Variants in PCDH9 observed in about 807,000 individuals in gnomAD.
PCDH9 encodes the protein protocadherin 9.
Under a neutral mutation model 70.6 loss-of-function variants are expected in PCDH9, and 24 were observed. That is an observed-to-expected ratio of 0.34 (90% CI 0.25 to 0.48). The LOEUF (loss-of-function observed/expected upper bound fraction) is 0.48, where lower values mean the gene tolerates loss of function less well. Among genes scored for constraint, PCDH9 ranks in the 20% least tolerant of loss-of-function variants. PCDH9 has a pLI of 0.99. For missense variants in PCDH9, 1,281 were observed against 1,503.6 expected, an observed-to-expected ratio of 0.85 and a Z score of 2.45; for synonymous variants, 562 against 558.5, an observed-to-expected ratio of 1.01 and a Z score of -0.09.
intron 4 of PCDH9, among the ~76,000 whole-genome samples, chr13:66,394,705 A>G: frequency 6.6e-6 from 1 of 152,180 alleles, no homozygotes; most frequent in East Asian, 1.9e-4. Context: ...GTTAAAGACA[A>G]AATGTAATTA....
At chr13:66,895,078 G>C (rs1200512918) in intron 3 of PCDH9, among the ~76,000 whole-genome samples, 1 of 152,086 alleles carries the variant, frequency 6.6e-6, no homozygotes, top group East Asian at 1.9e-4. Flanking sequence ...AAAGTGCTGA[G>C]ATTACAGGTA....
chr13:66,441,863 A>G (rs1957980538), intron 4 of PCDH9, among the ~76,000 whole-genome samples: 1 of 152,138 alleles, frequency 6.6e-6, no homozygotes, highest in South Asian at 2.1e-4. Flanking sequence ...CTTCACTAGT[A>G]TACAGTTTCT....
chr13:66,579,297 TCTA>T (rs2138773698), intron 4 of PCDH9, among the ~76,000 whole-genome samples: 1 of 152,184 alleles, frequency 6.6e-6, no homozygotes, highest in South Asian at 2.1e-4. Context: ...GATAATAAAA[TCTA>T]CTACATAAAA....
At chr13:66,772,505 T>C (rs1399028921) in intron 3 of PCDH9, among the ~76,000 whole-genome samples, 4 of 152,194 alleles carry the variant, frequency 2.6e-5, no homozygotes, top group African/African-American at 7.2e-5. Context: ...GAGTCTATTA[T>C]TGAAGGGTTT....
intron 2 of PCDH9, among the ~76,000 whole-genome samples, chr13:67,184,132 T>A (rs140740128): frequency 6.6e-6 from 1 of 152,306 alleles, no homozygotes; most frequent in Non-Finnish European, 1.5e-5. Context: ...GTCTCTTTCC[T>A]TAGTCTTTAC....
chr13:66,303,140 A>G lies in PCDH9; in HGVS notation c.*1515T>C, dbSNP rs1384221622. On this transcript the variant is annotated 3_prime_UTR_variant, in exon 5 of 5. Coordinates refer to ENST00000377865, the MANE Select transcript of PCDH9 (RefSeq NM_203487.3). Reference sequence around the variant, plus strand: ...TTTTTTTTGTTTTTTTTACTTTTAAATTGATGGTGAACCGTGGCATTAAGA... The same window carrying G: ...TTTTTTTTGTTTTTTTTACTTTTAAGTTGATGGTGAACCGTGGCATTAAGA... The G allele has an allele frequency of 6.6e-6, 1 of 151,960 alleles. No individual in the cohort carries two copies. The highest frequency in any genetic ancestry group is 2.4e-5 in the African/African-American group (1 of 41,306). The allele number at this position is 151,960 out of a possible 1,614,324, so 9.4% of individuals were successfully genotyped here.
At chr13:67,134,131 T>A (rs1010062792) in intron 2 of PCDH9, among the ~76,000 whole-genome samples, 1 of 152,132 alleles carries the variant, frequency 6.6e-6, no homozygotes, top group African/African-American at 2.4e-5. Context: ...CCTCCAGGTG[T>A]TTTTGATATC....
intron 4 of PCDH9, among the ~76,000 whole-genome samples, chr13:66,307,339 A>G (rs549175863): frequency 6.6e-6 from 1 of 152,172 alleles, no homozygotes; most frequent in South Asian, 2.1e-4. Flanking sequence ...TGTTAATTAA[A>G]CTTTTATGAG....
intron 2 of PCDH9, among the ~76,000 whole-genome samples, chr13:66,951,226 C>CT (rs1233644005): frequency 1.3e-5 from 2 of 151,784 alleles, no homozygotes; most frequent in South Asian, 2.1e-4. Context: ...AAATATATAC[C>CT]TTTTTTTGTA....
intron 2 of PCDH9, among the ~76,000 whole-genome samples, chr13:67,042,034 C>T (rs2085126932): frequency 6.6e-6 from 1 of 152,004 alleles, no homozygotes; most frequent in South Asian, 2.1e-4. Context: ...GTTGCCCTTA[C>T]CAAAGCCCAT....
intron 4 of PCDH9, among the ~76,000 whole-genome samples, chr13:66,429,570 A>C (rs1957734777): frequency 6.6e-6 from 1 of 151,900 alleles, no homozygotes; most frequent in Non-Finnish European, 1.5e-5. Flanking sequence ...TTTGAAGAGT[A>C]CAAACGGAAG....
chr13:66,751,034 A>T (rs565628021), intron 3 of PCDH9, among the ~76,000 whole-genome samples: 1 of 152,280 alleles, frequency 6.6e-6, no homozygotes, highest in South Asian at 2.1e-4. Context: ...ACAAATAGCT[A>T]ACAATTGACT....
chr13:66,879,263 A>G lies in PCDH9; in HGVS notation c.3138+24241T>C, dbSNP rs535136984. 1.6e-4 allele frequency among the ~76,000 whole-genome samples: 24 copies of G among 152,316 alleles called. No individual in the cohort carries two copies. In the South Asian group the frequency reaches 3.3e-3, roughly 21 times the overall value. On this transcript the variant is annotated intron_variant, in intron 3 of 4. Coordinates refer to ENST00000377865, the MANE Select transcript of PCDH9 (RefSeq NM_203487.3). ...TAGGAATTCCCACTTTCCAAATACT[A>G]GCGGAGGCATTCTCTAGGGTGGCAG...
At position 66,802,244 on chromosome 13, in the gene PCDH9, TCA is replaced by T. The variant is rs557518728; in HGVS notation, c.3138+101258_3138+101259del. 6.6e-5 allele frequency among the ~76,000 whole-genome samples: 10 copies of T among 152,114 alleles called. No homozygotes were observed. The South Asian group carries it at 2.1e-3, about 32-fold the overall frequency. ...AATAAATGATTTGAACATGAAAATA[TCA>T]CAGAGACAAAACTTCTCAAAATAAT... On this transcript the variant is annotated intron_variant, in intron 3 of 4. Coordinates refer to ENST00000377865, the MANE Select transcript of PCDH9 (RefSeq NM_203487.3).
chr13:66,706,831 A>C (rs1232473743), intron 3 of PCDH9, among the ~76,000 whole-genome samples: 3 of 152,178 alleles, frequency 2.0e-5, no homozygotes, highest in African/African-American at 7.2e-5. Context: ...TCAAATGTTC[A>C]TGGGTGCTGA....
rs78330739 is a variant in PCDH9 at position 67,011,776 on chromosome 13, T to C, written c.3037-108171A>G. Among the ~76,000 whole-genome samples, 954 of 152,010 alleles carry C rather than the reference T, an allele frequency of 6.3e-3. 11 individuals carry two copies. The highest frequency in any genetic ancestry group is 0.021 in the African/African-American group (870 of 41,534). The stretch of plus-strand genomic sequence containing the variant: ...TAGGCTGCTTTTCTTAAAATTATCC[T>C]GCAAAAATGTTTTGGTCTTGAAGGG... On this transcript the variant is annotated intron_variant, in intron 2 of 4. Transcript: ENST00000377865.
At position 67,151,116 on chromosome 13, in the gene PCDH9, C is replaced by T. The variant is rs74095348; in HGVS notation, c.3036+74289G>A. On this transcript the variant is annotated intron_variant, in intron 2 of 4. Coordinates refer to ENST00000377865, the MANE Select transcript of PCDH9 (RefSeq NM_203487.3). ...ATCTTTTTCAAAGTCCAGTGGAAGG[C>T]TCATCCTCTTCTTGAGGGTCTCTTT... 7.9e-3 allele frequency among the ~76,000 whole-genome samples: 1,200 copies of T among 152,176 alleles called. 14 individuals carry two copies. Among genetic ancestry groups the T allele is most frequent in the African/African-American group, 0.027 (1,139 of 41,514 alleles).
chr13:66,900,993 C>T (rs2139592811), intron 3 of PCDH9, among the ~76,000 whole-genome samples: 1 of 151,506 alleles, frequency 6.6e-6, no homozygotes, highest in Non-Finnish European at 1.5e-5. Context: ...ATTGTTAATT[C>T]TCAAGAATAA....
rs2079984196 is a variant in PCDH9 at position 66,780,680 on chromosome 13, G to A, written c.3138+122824C>T. On this transcript the variant is annotated intron_variant, in intron 3 of 4. Coordinates refer to ENST00000377865, the MANE Select transcript of PCDH9 (RefSeq NM_203487.3). Reference sequence around the variant, plus strand: ...TTCCCCGTGATACTTATGAGTTTCAGTGCAATGTATATACATATATAAAAA... The same window carrying A: ...TTCCCCGTGATACTTATGAGTTTCAATGCAATGTATATACATATATAAAAA... Among the ~76,000 whole-genome samples the A allele has an allele frequency of 2.0e-5, 3 of 151,954 alleles. No homozygotes were observed. The South Asian group carries it at 6.2e-4, about 31-fold the overall frequency.
Sources: allele counts gnomAD v4.1 joint callset (sites outside exome capture counted in the v4.1 genomes callset), GRCh38; gene constraint gnomAD v4.1.1; transcripts MANE v1.5; gene names NCBI Gene and HGNC (gene_info 2026-07-23, HGNC 2026-07-21).